Variants in PHLDB2 observed in about 807,000 individuals in gnomAD.
The protein encoded by PHLDB2 is pleckstrin homology-like domain family B member 2.
In PHLDB2, 71 loss-of-function variants were observed where a neutral mutation model predicts 123.6. The observed-to-expected ratio is 0.57, with a 90% CI of 0.47 to 0.70. PHLDB2 has a LOEUF of 0.70. PHLDB2 is among the 30% of genes least tolerant of loss of function. The probability of loss-of-function intolerance (pLI) is 0.00; values close to 1 mark genes in which losing one functional copy is unlikely to be tolerated. For synonymous variants in PHLDB2, 547 were observed against 541.6 expected (o/e 1.01, Z -0.14); for missense variants, 1,446 against 1,519.5 (o/e 0.95, Z 0.80).
chr3:111,801,097 G>A (rs547390082), intron 1 of PHLDB2, among the ~76,000 whole-genome samples: 1 of 152,236 alleles, frequency 6.6e-6, no homozygotes, highest in South Asian at 2.1e-4. Context: ...AAATTCAATG[G>A]CCAATACAGA....
At chr3:111,860,355 A>AC (rs147473583) in intron 1 of PHLDB2, among the ~76,000 whole-genome samples, 5,443 of 151,932 alleles carry the variant, frequency 0.036, 329 homozygotes, top group African/African-American at 0.12. Context: ...TTGGCCTTTG[A>AC]CCCCCCACTG....
At chr3:111,834,925 T>G (rs1016351455) in intron 1 of PHLDB2, among the ~76,000 whole-genome samples, 2 of 152,116 alleles carry the variant, frequency 1.3e-5, no homozygotes, top group Non-Finnish European at 2.9e-5. Flanking sequence ...TTTCTACACA[T>G]TATTGCCATA....
rs1007987774 is a variant in PHLDB2 at position 111,884,293 on chromosome 3, T to G, written c.216T>G (p.Pro72=). 2 of 1,614,206 alleles carry G rather than the reference T, an allele frequency of 1.2e-6. No individual in the cohort carries two copies. The highest frequency in any genetic ancestry group is 4.5e-5 in the East Asian group (2 of 44,888). The change falls in exon 2 of 18, where the codon CCT becomes CCG. Residue 72 remains proline, a synonymous_variant. Coordinates refer to ENST00000431670, the MANE Select transcript of PHLDB2 (RefSeq NM_001134438.2). ...AACCTGTGCCTGCAAAGAGAAGCCC[T>G]TCTCCTTTGGGAACCAGTGTCAGAA... The part of the protein sequence containing the change: ...LSQPVPAKRS[P]SPLGTSVRSS...
chr3:111,867,145 C>T (rs2065128885), intron 1 of PHLDB2, among the ~76,000 whole-genome samples: 3 of 151,908 alleles, frequency 2.0e-5, no homozygotes, highest in Admixed American at 1.3e-4. Context: ...AATGTATTTG[C>T]TTTCAAACTT....
chr3:111,845,050 CT>C (rs2063892107), intron 1 of PHLDB2, among the ~76,000 whole-genome samples: 2 of 152,230 alleles, frequency 1.3e-5, no homozygotes, highest in Admixed American at 1.3e-4. Context: ...ACACTGGTTT[CT>C]TTCCCTATAA....
chr3:111,752,797 A>C (rs1170316572), intron 1 of PHLDB2, among the ~76,000 whole-genome samples: 162 of 141,204 alleles, frequency 1.1e-3, no homozygotes, highest in African/African-American at 2.8e-3. Context: ...ATCCCTCCCC[A>C]CTGCCCCCAC....
At chr3:111,885,626 A>G (rs765447584) in intron 2 of PHLDB2, 5 of 727,536 alleles carry the variant, frequency 6.9e-6, no homozygotes, top group South Asian at 1.5e-5. Flanking sequence ...CCAGGAATTA[A>G]TGTTAATTTA....
rs2066076607 is a variant in PHLDB2 at position 111,884,522 on chromosome 3, T to G, written c.445T>G (p.Ser149Ala). ...GAGGCTCTCAGAGAAGCCTCCCTAT[T>G]CCAAATATAGCTCAAGGCATAAATC... is the stretch of plus-strand genomic sequence containing the variant. The part of the protein sequence containing the change: ...ALRLSEKPPY[S>A]KYSSRHKSHD... Residue 149 changes from serine to alanine, a missense_variant, in exon 2 of 18, where the codon TCC becomes GCC. This residue lies in a region of PHLDB2 where 832 missense variants were observed against 831.9 expected (regional missense o/e 1.00). Coordinates refer to ENST00000431670, the MANE Select transcript of PHLDB2 (RefSeq NM_001134438.2). The G allele has an allele frequency of 6.2e-7, 1 of 1,614,134 alleles. No individual in the cohort carries two copies. The highest frequency in any genetic ancestry group is 8.5e-7 in the Non-Finnish European group (1 of 1,180,026).
At chr3:111,857,091 A>G (rs901734796), upstream of PHLDB2, among the ~76,000 whole-genome samples, 2 of 152,120 alleles carry the variant, frequency 1.3e-5, no homozygotes, top group Admixed American at 6.6e-5. Context: ...AGGCCCTGAG[A>G]TAGAACGGAT....
chr3:111,827,836 G>A (rs748854145), intron 1 of PHLDB2, among the ~76,000 whole-genome samples: 1 of 152,120 alleles, frequency 6.6e-6, no homozygotes, highest in Non-Finnish European at 1.5e-5. Flanking sequence ...GAGTCTCAGG[G>A]CTTACTAGAG....
At chr3:111,913,241 A>C in intron 2 of PHLDB2, 78 bp from the exon 3 acceptor site, 3 of 1,455,526 alleles carry the variant, frequency 2.1e-6, no homozygotes, top group Non-Finnish European at 2.8e-6. Flanking sequence ...CAGTTGTCCC[A>C]GCCTCTTCAG....
intron 2 of PHLDB2, among the ~76,000 whole-genome samples, chr3:111,851,163 C>A (rs2064234710): frequency 6.8e-6 from 1 of 146,664 alleles, no homozygotes; most frequent in Admixed American, 7.0e-5. Context: ...CCACTGCACT[C>A]CAGCCTGGGT....
intron 1 of PHLDB2, among the ~76,000 whole-genome samples, chr3:111,829,195 A>G (rs1334930747): frequency 2.0e-5 from 3 of 152,086 alleles, no homozygotes; most frequent in Non-Finnish European, 4.4e-5. Context: ...ATCTTCCCAC[A>G]TCTCTCCCAC....
chr3:111,805,975 T>C (rs937712930), intron 1 of PHLDB2, among the ~76,000 whole-genome samples: 8 of 150,470 alleles, frequency 5.3e-5, no homozygotes, highest in Non-Finnish European at 2.9e-5. Context: ...GGCAAAACAA[T>C]AGAGACAGAG....
At chr3:111,911,756 CT>C (rs2067898159) in intron 2 of PHLDB2, 1 of 1,511,214 alleles carries the variant, frequency 6.6e-7, no homozygotes, top group African/African-American at 1.4e-5. Flanking sequence ...TTTATTAGTC[CT>C]TTTGATCAAG....
intron 12 of PHLDB2, among the ~76,000 whole-genome samples, chr3:111,959,294 G>A (rs1173363545): frequency 1.3e-5 from 2 of 152,220 alleles, no homozygotes; most frequent in Non-Finnish European, 2.9e-5. Flanking sequence ...GTTTTTGGGG[G>A]ATTTGTTCAG....
chr3:111,788,176 G>A (rs2060771665), intron 1 of PHLDB2, among the ~76,000 whole-genome samples: 1 of 152,204 alleles, frequency 6.6e-6, no homozygotes, highest in South Asian at 2.1e-4. Flanking sequence ...AGGAAACTCA[G>A]TCACAGAAAC....
At chr3:111,941,106 GT>G (rs2069850346) in intron 8 of PHLDB2, among the ~76,000 whole-genome samples, 1 of 152,160 alleles carries the variant, frequency 6.6e-6, no homozygotes, top group Non-Finnish European at 1.5e-5. Flanking sequence ...ATTGCATTTA[GT>G]TTGAATTAAT....
At chr3:111,770,848 G>A (rs2060164096) in intron 1 of PHLDB2, among the ~76,000 whole-genome samples, 1 of 152,228 alleles carries the variant, frequency 6.6e-6, no homozygotes, top group Non-Finnish European at 1.5e-5. Context: ...CCTAGTCCCA[G>A]AGGGCTGGTC....
Sources: allele counts gnomAD v4.1 joint callset (sites outside exome capture counted in the v4.1 genomes callset), GRCh38; gene constraint gnomAD v4.1.1; regional missense constraint gnomAD v4.1.1; transcripts MANE v1.5; gene names NCBI Gene and HGNC (gene_info 2026-07-23, HGNC 2026-07-21).